PSD3: variants seen among roughly 807,000 people sequenced by gnomAD.
The protein encoded by PSD3 is pleckstrin and Sec7 domain containing 3.
A neutral mutation model predicts 105.5 loss-of-function variants in PSD3; 49 were observed. The observed-to-expected ratio is 0.46, with a 90% CI of 0.37 to 0.59. The LOEUF (loss-of-function observed/expected upper bound fraction) is 0.59, where lower values mean the gene tolerates loss of function less well. PSD3 is among the 20% of genes least tolerant of loss of function. PSD3 has a pLI of 0.00. For synonymous variants in PSD3, 557 were observed against 457.8 expected, an observed-to-expected ratio of 1.22 and a Z score of -2.77; for missense variants, 1,561 against 1,263.8, an observed-to-expected ratio of 1.24 and a Z score of -3.57.
chr8:18,975,235 A>G (rs1328315379), intron 1 of PSD3, among the ~76,000 whole-genome samples: 3 of 152,218 alleles, frequency 2.0e-5, no homozygotes, highest in Non-Finnish European at 4.4e-5. Flanking sequence ...ACTTAATAAA[A>G]TAGTTGCAGA....
At chr8:18,752,582 T>TA in intron 9 of PSD3, among the ~76,000 whole-genome samples, 1 of 76,488 alleles carries the variant, frequency 1.3e-5, no homozygotes, top group Non-Finnish European at 2.2e-5. Flanking sequence ...TATAATTATA[T>TA]ATATTATATA....
At chr8:18,717,364 T>C (rs17696125) in intron 9 of PSD3, among the ~76,000 whole-genome samples, 15,620 of 152,240 alleles carry the variant, frequency 0.1, 1,128 homozygotes, top group African/African-American at 0.19. Flanking sequence ...GAGTTCTTGC[T>C]ATAAGTACAT....
intron 4 of PSD3, among the ~76,000 whole-genome samples, chr8:18,832,725 C>T (rs985571523): frequency 7.9e-5 from 12 of 152,174 alleles, no homozygotes; most frequent in African/African-American, 7.2e-5. Flanking sequence ...GAGGCCTCAT[C>T]GTCATGGTGG....
At chr8:18,771,803 T>C (rs1250913217) in intron 8 of PSD3, among the ~76,000 whole-genome samples, 2 of 152,232 alleles carry the variant, frequency 1.3e-5, no homozygotes, top group Non-Finnish European at 2.9e-5. Context: ...TTCACATTAG[T>C]ATATTCACAC....
intron 4 of PSD3, among the ~76,000 whole-genome samples, chr8:18,812,154 G>A (rs1306152442): frequency 1.3e-5 from 2 of 152,032 alleles, no homozygotes; most frequent in Admixed American, 6.6e-5. Flanking sequence ...AAGCTATGAC[G>A]TCAAAAGGAA....
intron 11 of PSD3, among the ~76,000 whole-genome samples, chr8:18,618,202 T>A (rs1448465349): frequency 1.4e-5 from 2 of 140,938 alleles, no homozygotes; most frequent in East Asian, 3.9e-4. Context: ...TTTCAATCCG[T>A]CTATGACCTG....
At chr8:18,614,884 C>A (rs1281682773) in intron 11 of PSD3, among the ~76,000 whole-genome samples, 3 of 151,998 alleles carry the variant, frequency 2.0e-5, no homozygotes, top group Admixed American at 6.5e-5. Context: ...GATCCTCCTG[C>A]CTCAGCCTCC....
Position 18,613,790 on chromosome 8 carries a change from A to C in PSD3, c.2411-13356T>G, listed in dbSNP as rs1805452340. On this transcript the variant is annotated intron_variant, in intron 11 of 15. Transcript: ENST00000327040. ...TGGCAACCTTGCAAAACAACCCAGT[A>C]CCTTGCCTTGAATCTTTGAAGTGCA... Among the ~76,000 whole-genome samples, 4 of 152,160 alleles carry C rather than the reference A, an allele frequency of 2.6e-5. No individual in the cohort carries two copies. The South Asian group carries it at 8.3e-4, about 32-fold the overall frequency.
At chr8:18,847,970 G>A (rs568765579) in intron 4 of PSD3, among the ~76,000 whole-genome samples, 3 of 152,288 alleles carry the variant, frequency 2.0e-5, no homozygotes, top group Non-Finnish European at 2.9e-5. Context: ...AAAGACCCAT[G>A]ACAACTCAAA....
chr8:18,768,402 T>C (rs1447107075), intron 8 of PSD3, among the ~76,000 whole-genome samples: 4 of 152,108 alleles, frequency 2.6e-5, no homozygotes, highest in African/African-American at 9.7e-5. Context: ...GCCTGGGAGA[T>C]CAAGACTAGC....
At chr8:18,698,454 A>T (rs12548667) in intron 9 of PSD3, among the ~76,000 whole-genome samples, 2,664 of 152,180 alleles carry the variant, frequency 0.018, 88 homozygotes, top group Admixed American at 0.067. Context: ...GGAGGTTCAG[A>T]GTCAGAGAAG....
At chr8:18,767,802 T>C (rs993644325) in intron 8 of PSD3, among the ~76,000 whole-genome samples, 5 of 151,886 alleles carry the variant, frequency 3.3e-5, no homozygotes, top group African/African-American at 1.2e-4. Context: ...TAAATAAATA[T>C]ACCTGCATAC....
In PSD3 at chr8:18,583,279, T is replaced by C. The variant is rs1307953207; in HGVS notation, c.2482-7994A>G. On this transcript the variant is annotated intron_variant, in intron 12 of 15. Transcript: ENST00000327040. ...CGAAGTGAGATCCCGTTTCTACAAA[T>C]AATAGAAAAATTAGTCAGGTGTGGT... 2.0e-5 allele frequency among the ~76,000 whole-genome samples: 3 copies of C among 152,068 alleles called. No homozygotes were observed. In the East Asian group the frequency reaches 5.8e-4, roughly 29 times the overall value.
chr8:18,624,681 T>C (rs1391168882), intron 11 of PSD3, among the ~76,000 whole-genome samples: 2 of 119,648 alleles, frequency 1.7e-5, no homozygotes, highest in South Asian at 3.1e-4. Flanking sequence ...AAACTTAAAG[T>C]ATTAAAAAAA....
chr8:18,603,434 A>G lies in PSD3; in HGVS notation c.2411-3000T>C, dbSNP rs115754141. 3.5e-3 allele frequency among the ~76,000 whole-genome samples: 535 copies of G among 152,244 alleles called. 1 individual carries two copies. Among genetic ancestry groups the G allele is most frequent in the African/African-American group, 0.012 (510 of 41,546 alleles). ...CATTTTCAATTACTTCTTGAAGTCT[A>G]TCCTTTAGAAGTTCCTTTAGTGAGG... On this transcript the variant is annotated intron_variant, in intron 11 of 15. Transcript: ENST00000327040.
chr8:18,774,709 T>G, intron 8 of PSD3: 1 of 362,338 alleles, frequency 2.8e-6, no homozygotes, highest in Non-Finnish European at 5.4e-6. Flanking sequence ...TTGTAGAACT[T>G]CCTGAGGTTT....
intron 14 of PSD3, among the ~76,000 whole-genome samples, chr8:18,564,426 C>G (rs994831238): frequency 6.6e-6 from 1 of 151,974 alleles, no homozygotes; most frequent in Non-Finnish European, 1.5e-5. Context: ...GTCAGGAGGT[C>G]AAGACCAGCC....
chr8:18,825,320 A>G (rs1292498996), intron 4 of PSD3, among the ~76,000 whole-genome samples: 1 of 152,226 alleles, frequency 6.6e-6, no homozygotes, highest in African/African-American at 2.4e-5. Context: ...CTCCAAATTC[A>G]GTGTCTGTAA....
At chr8:18,922,233 A>G (rs1034716543) in intron 2 of PSD3, among the ~76,000 whole-genome samples, 3 of 152,216 alleles carry the variant, frequency 2.0e-5, no homozygotes, top group African/African-American at 7.2e-5. Context: ...CCTAAAGTTT[A>G]CTCTAACACG....
Sources: gnomAD v4.1 joint callset for allele counts (sites outside exome capture counted in the v4.1 genomes callset) on GRCh38, gnomAD v4.1.1 for gene constraint, MANE v1.5 for transcripts, NCBI Gene and HGNC (gene_info 2026-07-23, HGNC 2026-07-21) for gene names.